The following NXPE2 variants were observed in gnomAD, a reference collection of about 807,000 sequenced individuals.
NXPE2 encodes NXPE family member 2.
A neutral mutation model predicts 34.4 loss-of-function variants in NXPE2; 34 were observed. The observed-to-expected ratio is 0.99, with a 90% CI of 0.75 to 1.31. The LOEUF is 1.31. Ranked by LOEUF, NXPE2 falls within the 40% of genes most tolerant of loss-of-function variation. The pLI is 0.00. For synonymous variants in NXPE2, 235 were observed against 231.3 expected, an observed-to-expected ratio of 1.02 and a Z score of -0.15; for missense variants, 649 against 672.5, an observed-to-expected ratio of 0.97 and a Z score of 0.39.
the NXPE2 span, among the ~76,000 whole-genome samples, chr11:114,623,401 G>T: frequency 6.6e-6 from 1 of 151,808 alleles, no homozygotes; most frequent in Non-Finnish European, 1.5e-5. Flanking sequence ...TGCGCAGTGG[G>T]TACCATTGTT....
chr11:114,540,681 T>TG, the NXPE2 span, among the ~76,000 whole-genome samples: 4 of 151,978 alleles, frequency 2.6e-5, no homozygotes, highest in Admixed American at 6.6e-5. Context: ...AACAAGTACC[T>TG]GAAGGCTAAA....
At chr11:114,518,177 C>G in the NXPE2 span, 1 of 152,194 alleles carries the variant, frequency 6.6e-6, no homozygotes, top group Non-Finnish European at 1.5e-5. Context: ...GCAATTAACA[C>G]GATTCAGGCT....
the NXPE2 span, among the ~76,000 whole-genome samples, chr11:114,718,028 G>A: frequency 6.6e-6 from 1 of 152,152 alleles, no homozygotes; most frequent in Admixed American, 6.5e-5. Flanking sequence ...TTTTCTCTGT[G>A]TCTACAATGC....
chr11:114,522,769 G>A, the NXPE2 span: 124,023 of 754,930 alleles, frequency 0.16, 14,075 homozygotes, highest in African/African-American at 0.45. Flanking sequence ...CAAATCCAGA[G>A]AGCCAAATGA....
chr11:114,518,969 T>G, the NXPE2 span, among the ~76,000 whole-genome samples: 1 of 152,336 alleles, frequency 6.6e-6, no homozygotes, highest in East Asian at 1.9e-4. Context: ...CAAACCACTT[T>G]TATTAGTAAT....
the NXPE2 span, among the ~76,000 whole-genome samples, chr11:114,784,502 T>C: frequency 2.0e-5 from 3 of 152,180 alleles, no homozygotes; most frequent in Non-Finnish European, 2.9e-5. Flanking sequence ...GCAATCTTTA[T>C]ATGGATCAGC....
At chr11:114,642,232 C>T in the NXPE2 span, among the ~76,000 whole-genome samples, 103 of 151,986 alleles carry the variant, frequency 6.8e-4, no homozygotes, top group Admixed American at 2.2e-3. Flanking sequence ...TCAAAAAACC[C>T]GGTCTAACAA....
At chr11:114,709,548 T>C (rs2135579303), downstream of NXPE2, among the ~76,000 whole-genome samples, 1 of 152,370 alleles carries the variant, frequency 6.6e-6, no homozygotes, top group East Asian at 1.9e-4. Flanking sequence ...AAATGTTCTC[T>C]ATTGCTATTA....
the NXPE2 span, among the ~76,000 whole-genome samples, chr11:114,769,832 G>C: frequency 0.33 from 49,670 of 151,928 alleles, 8,957 homozygotes; most frequent in East Asian, 0.43. Context: ...GCTAGGGAAG[G>C]GATAACATTA....
the NXPE2 span, among the ~76,000 whole-genome samples, chr11:114,635,341 T>C: frequency 6.6e-6 from 1 of 150,434 alleles, no homozygotes; most frequent in African/African-American, 2.5e-5. Context: ...CTGAAGTTGC[T>C]TATCAGCTTG....
the NXPE2 span, chr11:114,529,955 G>A: frequency 2.0e-6 from 1 of 506,842 alleles, no homozygotes. Flanking sequence ...TGAACACATA[G>A]AAGAACGGTT....
chr11:114,724,682 C>T, the NXPE2 span, among the ~76,000 whole-genome samples: 3 of 152,092 alleles, frequency 2.0e-5, no homozygotes, highest in Admixed American at 6.6e-5. Flanking sequence ...CCCGCCACCA[C>T]CAAAAGGTCC....
chr11:114,639,593 C>T, the NXPE2 span, among the ~76,000 whole-genome samples: 29 of 149,766 alleles, frequency 1.9e-4, no homozygotes, highest in African/African-American at 7.1e-4. Flanking sequence ...TGGAGCTGTT[C>T]CTATTCGGCC....
the NXPE2 span, among the ~76,000 whole-genome samples, chr11:114,665,625 T>C: frequency 2.0e-5 from 3 of 152,156 alleles, no homozygotes; most frequent in Admixed American, 1.3e-4. Context: ...CTAGAACAGA[T>C]TGCTAAGAGT....
chr11:114,703,837 TCCTGA>T (rs754566490), intron 3 of NXPE2, among the ~76,000 whole-genome samples, 149 bp from the exon 4 acceptor site: 2 of 152,144 alleles, frequency 1.3e-5, no homozygotes, highest in African/African-American at 2.4e-5. Flanking sequence ...CTTTCCAGAA[TCCTGA>T]CCCATTAACT....
At chr11:114,593,648 A>G in the NXPE2 span, among the ~76,000 whole-genome samples, 1 of 152,246 alleles carries the variant, frequency 6.6e-6, no homozygotes, top group African/African-American at 2.4e-5. Context: ...AGGCTACCAT[A>G]TGATCCAGCA....
the NXPE2 span, among the ~76,000 whole-genome samples, chr11:114,797,244 C>G: frequency 6.6e-6 from 1 of 152,198 alleles, no homozygotes; most frequent in African/African-American, 2.4e-5. Context: ...GCCTAGCATA[C>G]AGCAGACAGT....
At chr11:114,627,278 G>C in the NXPE2 span, among the ~76,000 whole-genome samples, 1 of 151,938 alleles carries the variant, frequency 6.6e-6, no homozygotes. Context: ...AGAAAGGTCG[G>C]GTTACCCTCA....
the NXPE2 span, among the ~76,000 whole-genome samples, chr11:114,564,484 G>T: frequency 6.6e-6 from 1 of 152,158 alleles, no homozygotes; most frequent in Non-Finnish European, 1.5e-5. Context: ...CTGCCCTCAT[G>T]AAATGTATGA....
Sources: gnomAD v4.1 joint callset for allele counts (sites outside exome capture counted in the v4.1 genomes callset) on GRCh38, gnomAD v4.1.1 for gene constraint, MANE v1.5 for transcripts, NCBI Gene and HGNC (gene_info 2026-07-23, HGNC 2026-07-21) for gene names.